Variants in DCC observed in about 807,000 individuals in gnomAD.
DCC encodes DCC netrin 1 receptor.
DCC carries 58 observed loss-of-function variants against 172.5 expected under a neutral mutation model. The ratio of observed to expected loss-of-function variants is 0.34; its 90% CI spans 0.27 to 0.42. The LOEUF is 0.42. Among genes scored for constraint, DCC ranks in the 10% least tolerant of loss-of-function variants. DCC has a pLI of 1.00. For synonymous variants in DCC, 709 were observed against 644.5 expected, an observed-to-expected ratio of 1.10 and a Z score of -1.52; for missense variants, 1,740 against 1,791.0, an observed-to-expected ratio of 0.97 and a Z score of 0.51.
At position 53,162,174 on chromosome 18, in the gene DCC, C is replaced by T. The variant is rs574124877; in HGVS notation, c.1418+4662C>T. On this transcript the variant is annotated intron_variant, in intron 8 of 28. Coordinates refer to ENST00000442544, the MANE Select transcript of DCC (RefSeq NM_005215.4). The stretch of plus-strand genomic sequence containing the variant: ...ATTAGCTGGACGTGGTGGCACGCAC[C>T]TGTAATCCTGGCTACTTAGAATGGT... 1.7e-4 allele frequency among the ~76,000 whole-genome samples: 26 copies of T among 151,892 alleles called. No homozygotes were observed. The East Asian group carries it at 5.1e-3, about 30-fold the overall frequency.
At chr18:53,382,652 C>T (rs543847076) in intron 15 of DCC, among the ~76,000 whole-genome samples, 10 of 152,228 alleles carry the variant, frequency 6.6e-5, no homozygotes, top group Non-Finnish European at 1.0e-4. Flanking sequence ...TCTCCAAGTA[C>T]TTGGATCTCA....
At chr18:53,397,497 T>A in intron 18 of DCC, 51 bp downstream of exon 18, 1 of 1,605,824 alleles carries the variant, frequency 6.2e-7, no homozygotes, top group African/African-American at 1.3e-5. Context: ...GTTTCCCAGG[T>A]TCTGTGGAAA....
In DCC at chr18:52,603,745, G is replaced by C. The variant is rs117255077; in HGVS notation, c.92-148309G>C. On this transcript the variant is annotated intron_variant, in intron 1 of 28. Coordinates refer to ENST00000442544, the MANE Select transcript of DCC (RefSeq NM_005215.4). ...ACACTGCAAACATTAGGCCTGAAGA[G>C]AGAATTTTTTTGATTCAATAAAGAG... is the stretch of plus-strand genomic sequence containing the variant. Among the ~76,000 whole-genome samples, 52 of 151,832 alleles carry C rather than the reference G, an allele frequency of 3.4e-4. 2 individuals carry two copies. In the South Asian group the frequency reaches 0.01, roughly 30 times the overall value.
chr18:52,930,617 T>C (rs960608348), intron 5 of DCC, among the ~76,000 whole-genome samples: 4 of 152,164 alleles, frequency 2.6e-5, no homozygotes, highest in African/African-American at 9.7e-5. Context: ...TGGAGTCTCC[T>C]TGTAAGTATT....
chr18:53,354,529 C>T (rs1599057419), intron 15 of DCC, among the ~76,000 whole-genome samples: 4 of 152,150 alleles, frequency 2.6e-5, no homozygotes, highest in Middle Eastern at 3.4e-3. Context: ...ATGAGCATTT[C>T]TTCATGTGTC....
intron 2 of DCC, among the ~76,000 whole-genome samples, chr18:52,861,646 A>G (rs1205452820): frequency 6.7e-6 from 1 of 148,240 alleles, no homozygotes; most frequent in Non-Finnish European, 1.5e-5. Context: ...AATCATTAAT[A>G]TTCCAAACAA....
In DCC at chr18:53,346,042, G is replaced by A. The variant is rs566845115; in HGVS notation, c.2359+6135G>A. Among the ~76,000 whole-genome samples the A allele has an allele frequency of 2.6e-5, 4 of 152,034 alleles. No individual in the cohort carries two copies. The East Asian group carries it at 7.7e-4, about 29-fold the overall frequency. ...GACATGTGGTTCTGTTGGCCAGGTTGGAGTACAGTGGAGCTCTCATGGCTC... is the reference window on the plus strand; with the variant it reads ...GACATGTGGTTCTGTTGGCCAGGTTAGAGTACAGTGGAGCTCTCATGGCTC... On this transcript the variant is annotated intron_variant, in intron 15 of 28. Coordinates refer to ENST00000442544, the MANE Select transcript of DCC (RefSeq NM_005215.4).
intron 12 of DCC, among the ~76,000 whole-genome samples, chr18:53,216,251 C>A (rs1266345035): frequency 2.0e-5 from 3 of 152,098 alleles, no homozygotes; most frequent in Admixed American, 6.6e-5. Flanking sequence ...GGAAATAAGC[C>A]AAGGCCACCT....
intron 17 of DCC, among the ~76,000 whole-genome samples, 198 bp from the exon 18 acceptor site, chr18:53,397,110 G>A (rs1908999254): frequency 1.3e-5 from 2 of 151,378 alleles, no homozygotes; most frequent in South Asian, 4.2e-4. Flanking sequence ...AATTTTATTG[G>A]TTATATTGTA....
intron 1 of DCC, among the ~76,000 whole-genome samples, chr18:52,664,469 TC>T (rs371355252): frequency 3.1e-5 from 3 of 96,222 alleles, no homozygotes; most frequent in African/African-American, 7.8e-5. Context: ...CTTTTCTTTT[TC>T]TTTTTCTTTT....
chr18:53,059,814 T>C (rs553066911), intron 5 of DCC, among the ~76,000 whole-genome samples: 1 of 152,288 alleles, frequency 6.6e-6, no homozygotes, highest in Non-Finnish European at 1.5e-5. Context: ...GATGAAAATA[T>C]GCATTTTGTT....
intron 1 of DCC, among the ~76,000 whole-genome samples, chr18:52,349,767 C>T (rs1247923056): frequency 6.6e-6 from 1 of 152,166 alleles, no homozygotes; most frequent in Non-Finnish European, 1.5e-5. Context: ...CTCGCCTCCC[C>T]ATTTGGTCTT....
At chr18:53,041,351 GTT>G (rs1260721314) in intron 5 of DCC, among the ~76,000 whole-genome samples, 4 of 151,944 alleles carry the variant, frequency 2.6e-5, no homozygotes, top group African/African-American at 9.7e-5. Context: ...TGAAGCCTCT[GTT>G]TTAAAGTTCC....
chr18:53,243,063 A>T (rs866910047), intron 12 of DCC, among the ~76,000 whole-genome samples: 31 of 152,276 alleles, frequency 2.0e-4, no homozygotes, highest in African/African-American at 7.2e-4. Flanking sequence ...TGTTGAACTG[A>T]TGTGACTCAA....
intron 23 of DCC, among the ~76,000 whole-genome samples, chr18:53,452,648 T>C (rs1389367455): frequency 6.6e-6 from 1 of 152,198 alleles, no homozygotes; most frequent in Admixed American, 6.5e-5. Context: ...AGGGACCTAA[T>C]TAAAGAATAA....
At chr18:53,166,722 A>G (rs1449996236) in intron 8 of DCC, among the ~76,000 whole-genome samples, 2 of 152,212 alleles carry the variant, frequency 1.3e-5, no homozygotes, top group Non-Finnish European at 1.5e-5. Flanking sequence ...ATTCAATAAA[A>G]AACAATTTTT....
At chr18:53,427,072 T>C (rs950961258) in intron 21 of DCC, among the ~76,000 whole-genome samples, 26 of 152,084 alleles carry the variant, frequency 1.7e-4, no homozygotes, top group African/African-American at 6.3e-4. Flanking sequence ...GGGGGAGGCT[T>C]TTATGGATCA....
intron 5 of DCC, among the ~76,000 whole-genome samples, chr18:52,942,313 A>G (rs1264376654): frequency 6.6e-6 from 1 of 152,172 alleles, no homozygotes. Context: ...TCAACTCATG[A>G]AGTAACCACT....
intron 1 of DCC, among the ~76,000 whole-genome samples, chr18:52,603,549 A>T (rs971182477): frequency 2.8e-4 from 42 of 151,784 alleles, no homozygotes; most frequent in South Asian, 6.2e-4. Flanking sequence ...ATTATTTTTT[A>T]AAAAAATAAA....
Sources: gnomAD v4.1 joint callset for allele counts (sites outside exome capture counted in the v4.1 genomes callset) on GRCh38, gnomAD v4.1.1 for gene constraint, MANE v1.5 for transcripts, NCBI Gene and HGNC (gene_info 2026-07-23, HGNC 2026-07-21) for gene names.